PUS7: variants seen among roughly 807,000 people sequenced by gnomAD.
PUS7 encodes pseudouridylate synthase 7 homolog.
A neutral mutation model predicts 79.8 loss-of-function variants in PUS7; 48 were observed. That is an observed-to-expected ratio of 0.60 (90% CI 0.48 to 0.76). PUS7 has a LOEUF of 0.76. Among genes scored for constraint, PUS7 ranks in the 30% least tolerant of loss-of-function variants. PUS7 has a pLI of 0.00. For missense variants in PUS7, 729 were observed against 797.6 expected (o/e 0.91, Z 1.04); for synonymous variants, 286 against 272.2 (o/e 1.05, Z -0.50).
At chr7:105,502,321 A>C in intron 5 of PUS7, 99 bp downstream of exon 5, 1 of 1,409,598 alleles carries the variant, frequency 7.1e-7, no homozygotes, top group Non-Finnish European at 9.8e-7. Context: ...TCTGAGCAGC[A>C]CTATAGTAGC....
At chr7:105,517,648 C>T (rs1316090005) in intron 1 of PUS7, among the ~76,000 whole-genome samples, 2 of 152,072 alleles carry the variant, frequency 1.3e-5, no homozygotes, top group African/African-American at 4.8e-5. Context: ...TGCATGTAGT[C>T]CCAGCTAACA....
intron 5 of PUS7, among the ~76,000 whole-genome samples, chr7:105,498,436 T>C (rs1021767914): frequency 6.6e-6 from 1 of 152,218 alleles, no homozygotes. Context: ...CTGGGTAATA[T>C]GGTTCCTATT....
intron 8 of PUS7, 61 bp from the exon 9 acceptor site, chr7:105,481,238 C>G: frequency 6.8e-7 from 1 of 1,479,906 alleles, no homozygotes; most frequent in Non-Finnish European, 9.1e-7. Flanking sequence ...AGGGATGCAG[C>G]TCATAAATGA....
At chr7:105,457,982 C>T (rs563739658) in intron 15 of PUS7, 56 bp from the exon 16 acceptor site, 48 of 1,579,456 alleles carry the variant, frequency 3.0e-5, no homozygotes, top group African/African-American at 2.7e-4. Flanking sequence ...GACAGACCAG[C>T]GAGAGTCACA....
chr7:105,493,930 C>T (rs28525063), intron 6 of PUS7, among the ~76,000 whole-genome samples: 214 of 152,326 alleles, frequency 1.4e-3, no homozygotes, highest in African/African-American at 4.9e-3. Flanking sequence ...TACACTGTTT[C>T]CATATTTAAA....
At position 105,481,072 on chromosome 7, in the gene PUS7, G is replaced by T. The variant is rs137934853; in HGVS notation, c.1155C>A (p.Val385=). The stretch of plus-strand genomic sequence containing the variant: ...CCAACCTTCCAACCTGATACGTAGG[G>T]ACAGCTGTGGTTCCAAATCTTTGCA... ...YGMQRFGTTA[V]PTYQVGRAIL... The change falls in exon 9 of 16, where the codon GTC becomes GTA. Residue 385 remains valine, a synonymous_variant. Coordinates refer to ENST00000469408, the MANE Select transcript of PUS7 (RefSeq NM_019042.5). 194 of 1,611,458 alleles carry T rather than the reference G, an allele frequency of 1.2e-4. 1 individual carries two copies. In the African/African-American group the frequency reaches 2.2e-3, roughly 18 times the overall value.
intron 7 of PUS7, among the ~76,000 whole-genome samples, chr7:105,487,456 C>G (rs1824597070): frequency 6.6e-6 from 1 of 152,144 alleles, no homozygotes; most frequent in Admixed American, 6.6e-5. Flanking sequence ...ATAGTAGTAT[C>G]AATTCTTGAA....
chr7:105,496,220 TATATATAGAG>T (rs1329839497), intron 5 of PUS7, among the ~76,000 whole-genome samples: 4 of 83,290 alleles, frequency 4.8e-5, no homozygotes, highest in African/African-American at 2.0e-4. Context: ...TATATATATA[TATATATAGAG>T]AGAGAGAGAG....
chr7:105,464,399 T>G (rs576118176), intron 13 of PUS7, among the ~76,000 whole-genome samples: 74 of 152,210 alleles, frequency 4.9e-4, no homozygotes, highest in African/African-American at 1.7e-3. Flanking sequence ...GTGAGGGTGT[T>G]TCTAGAGAAG....
At chr7:105,459,073 T>C (rs1195666512) in intron 15 of PUS7, 95 bp downstream of exon 15, 2 of 617,764 alleles carry the variant, frequency 3.2e-6, no homozygotes, top group Non-Finnish European at 5.6e-6. Flanking sequence ...TGGGTGGTGG[T>C]AGTGCTTGTA....
chr7:105,469,696 G>A (rs1823795584), intron 11 of PUS7, among the ~76,000 whole-genome samples: 1 of 152,192 alleles, frequency 6.6e-6, no homozygotes, highest in Admixed American at 6.5e-5. Context: ...CAGACCTCAG[G>A]AGATCCACCT....
At chr7:105,490,968 G>A (rs1824757317) in intron 7 of PUS7, among the ~76,000 whole-genome samples, 1 of 152,202 alleles carries the variant, frequency 6.6e-6, no homozygotes, top group Admixed American at 6.5e-5. Context: ...CTACAACAAA[G>A]AATTATCCAG....
At chr7:105,472,990 T>G (rs1429509224) in intron 9 of PUS7, among the ~76,000 whole-genome samples, 1 of 150,386 alleles carries the variant, frequency 6.6e-6, no homozygotes, top group Non-Finnish European at 1.5e-5. Context: ...CTCGAACTCC[T>G]GACCTTGTGA....
intron 1 of PUS7, among the ~76,000 whole-genome samples, chr7:105,514,468 G>A (rs1034829131): frequency 6.6e-6 from 1 of 150,872 alleles, no homozygotes; most frequent in African/African-American, 2.4e-5. Context: ...GCTGGGCGTG[G>A]TGACGGGCGC....
intron 7 of PUS7, among the ~76,000 whole-genome samples, chr7:105,485,980 T>C (rs1824531229): frequency 1.3e-5 from 2 of 152,070 alleles, no homozygotes; most frequent in African/African-American, 4.8e-5. Context: ...CCGAAAGTGC[T>C]GGGATTACCG....
rs576608971 is a variant in PUS7, at chr7:105,492,934, C to A, written c.843-1317G>T. Among the ~76,000 whole-genome samples, 8 of 152,304 alleles carry A rather than the reference C, an allele frequency of 5.3e-5. No homozygotes were observed. In the East Asian group the frequency reaches 1.5e-3, roughly 29 times the overall value. On this transcript the variant is annotated intron_variant, in intron 6 of 15. Transcript: ENST00000469408. ...CTAGGATTACAGGGGTGAGCCACTG[C>A]GCCCAGTCAATAATTCCTTTCTTAG...
chr7:105,477,089 T>C (rs1824143490), intron 9 of PUS7, among the ~76,000 whole-genome samples: 1 of 152,166 alleles, frequency 6.6e-6, no homozygotes, highest in African/African-American at 2.4e-5. Flanking sequence ...AAGTCCAACT[T>C]ATCTATTTTT....
chr7:105,470,367 G>A (rs957434166), intron 11 of PUS7: 7 of 194,674 alleles, frequency 3.6e-5, no homozygotes, highest in Admixed American at 1.1e-4. Context: ...TTCTGGTAAC[G>A]GAATGATCAA....
rs377087459 is a variant in PUS7 at position 105,515,559 on chromosome 7, A to T, written c.-33+6493T>A. Among the ~76,000 whole-genome samples, 5 of 152,326 alleles carry T rather than the reference A, an allele frequency of 3.3e-5. No individual in the cohort carries two copies. In the East Asian group the frequency reaches 7.7e-4, roughly 23 times the overall value. ...TATATCTAACTGAAAAGACAAGAAT[A>T]AACTAAACTCACTTTTAAATTTCAA... is the stretch of plus-strand genomic sequence containing the variant. On this transcript the variant is annotated intron_variant, in intron 1 of 15. Coordinates refer to ENST00000469408, the MANE Select transcript of PUS7 (RefSeq NM_019042.5).
Sources: gnomAD v4.1 joint callset for allele counts (sites outside exome capture counted in the v4.1 genomes callset) on GRCh38, gnomAD v4.1.1 for gene constraint, MANE v1.5 for transcripts, NCBI Gene and HGNC (gene_info 2026-07-23, HGNC 2026-07-21) for gene names.